Variants in SMCO4 observed in about 807,000 individuals in gnomAD.
SMCO4 encodes single-pass membrane protein with coiled-coil domains 4, also known as single-pass membrane and coiled-coil domain-containing protein 4.
Under a neutral mutation model 3.6 loss-of-function variants are expected in SMCO4, and 4 were observed. The ratio of observed to expected loss-of-function variants is 1.11; its 90% confidence interval spans 0.54 to 2.53. SMCO4 has a LOEUF of 2.53. SMCO4 is among the 30% of genes most tolerant of loss of function. SMCO4 has a pLI of 0.02. For missense variants in SMCO4, 70 were observed against 80.8 expected, an observed-to-expected ratio of 0.87 and a Z score of 0.51; for synonymous variants, 36 against 35.3, an observed-to-expected ratio of 1.02 and a Z score of -0.07.
chr11:93,553,827 T>C, the SMCO4 span, among the ~76,000 whole-genome samples: 2 of 152,234 alleles, frequency 1.3e-5, no homozygotes, highest in Non-Finnish European at 1.5e-5. Flanking sequence ...CTAGCCCTCT[T>C]AGGAAAATCT....
chr11:93,486,923 G>A (rs1948657029), intron 2 of SMCO4, among the ~76,000 whole-genome samples: 1 of 152,206 alleles, frequency 6.6e-6, no homozygotes, highest in South Asian at 2.1e-4. Context: ...AGAAGTGGCT[G>A]CATGTTTCTC....
rs200575983 is a variant in SMCO4 at position 93,505,950 on chromosome 11, TC to T, written c.-153-6603del. On this transcript the variant is annotated intron_variant, in intron 1 of 2. Coordinates refer to ENST00000298966, the MANE Select transcript of SMCO4 (RefSeq NM_020179.3). ...CTGTGCCAGACATGGTACTTGGTGCTCCTGCCCACCAAGATAAATATGAAAC... is the reference window on the plus strand; with the variant it reads ...CTGTGCCAGACATGGTACTTGGTGCTCTGCCCACCAAGATAAATATGAAAC... Among the ~76,000 whole-genome samples, 331 of 152,186 alleles carry T rather than the reference TC, an allele frequency of 2.2e-3. 2 individuals carry two copies. The highest frequency in any genetic ancestry group is 0.01 in the Admixed American group (155 of 15,290).
intron 1 of SMCO4, among the ~76,000 whole-genome samples, chr11:93,526,459 A>G (rs12795164): frequency 0.12 from 18,279 of 152,164 alleles, 1,422 homozygotes; most frequent in Non-Finnish European, 0.17. Context: ...GCAGGGACAA[A>G]TTCCAGTGAA....
intron 1 of SMCO4, among the ~76,000 whole-genome samples, chr11:93,532,568 C>A (rs1949173575): frequency 6.6e-6 from 1 of 152,214 alleles, no homozygotes; most frequent in Non-Finnish European, 1.5e-5. Context: ...TGAGCCAATT[C>A]CCCTAATAAA....
At chr11:93,481,880 A>C (rs1463186385) in intron 2 of SMCO4, among the ~76,000 whole-genome samples, 1 of 152,190 alleles carries the variant, frequency 6.6e-6, no homozygotes, top group Non-Finnish European at 1.5e-5. Context: ...GCCTGGGGCT[A>C]GCCATGCCCT....
chr11:93,506,790 A>G (rs1298106228), intron 1 of SMCO4, among the ~76,000 whole-genome samples: 2 of 152,176 alleles, frequency 1.3e-5, no homozygotes, highest in African/African-American at 4.8e-5. Context: ...ATTTCATTAA[A>G]TATTGATTCT....
chr11:93,528,777 G>C (rs1338874127), intron 1 of SMCO4, among the ~76,000 whole-genome samples: 1 of 152,158 alleles, frequency 6.6e-6, no homozygotes, highest in African/African-American at 2.4e-5. Flanking sequence ...AGGCAGCAGT[G>C]ATGAAATCAG....
At chr11:93,483,874 C>T (rs994848586) in intron 2 of SMCO4, among the ~76,000 whole-genome samples, 31 of 152,178 alleles carry the variant, frequency 2.0e-4, no homozygotes, top group African/African-American at 7.2e-4. Context: ...CTTATCTTCC[C>T]GCCCTTCGCC....
intron 1 of SMCO4, among the ~76,000 whole-genome samples, chr11:93,514,277 T>C (rs1948984400): frequency 6.6e-6 from 1 of 151,082 alleles, no homozygotes; most frequent in African/African-American, 2.4e-5. Flanking sequence ...AACTCTGGAA[T>C]GGGCAATTGG....
intron 1 of SMCO4, among the ~76,000 whole-genome samples, chr11:93,524,594 T>C (rs1037295027): frequency 2.0e-5 from 3 of 152,094 alleles, no homozygotes; most frequent in Non-Finnish European, 2.9e-5. Flanking sequence ...ACAAATGACC[T>C]GGAGCAGCAG....
intron 2 of SMCO4, among the ~76,000 whole-genome samples, chr11:93,480,400 A>G (rs1023236967): frequency 6.6e-6 from 1 of 152,114 alleles, no homozygotes; most frequent in Non-Finnish European, 1.5e-5. Flanking sequence ...TCTCCAGATG[A>G]ACTCGCCACC....
upstream of SMCO4, among the ~76,000 whole-genome samples, chr11:93,545,913 C>G (rs1949312724): frequency 1.3e-5 from 2 of 152,188 alleles, no homozygotes; most frequent in African/African-American, 4.8e-5. Flanking sequence ...GAAACCTGGT[C>G]CAACTCCTTG....
chr11:93,551,231 G>A, the SMCO4 span, among the ~76,000 whole-genome samples: 2 of 152,194 alleles, frequency 1.3e-5, no homozygotes, highest in East Asian at 3.8e-4. Context: ...AAGGTTCTAT[G>A]AGAAAGTTTT....
At chr11:93,539,753 G>T (rs1175541165) in intron 1 of SMCO4, among the ~76,000 whole-genome samples, 1 of 151,980 alleles carries the variant, frequency 6.6e-6, no homozygotes, top group Non-Finnish European at 1.5e-5. Flanking sequence ...TCCCAAAAGA[G>T]GGCCTTAAAG....
At chr11:93,495,280 T>A (rs1948761028) in intron 2 of SMCO4, among the ~76,000 whole-genome samples, 1 of 152,030 alleles carries the variant, frequency 6.6e-6, no homozygotes, top group African/African-American at 2.4e-5. Flanking sequence ...GGTATTCCCA[T>A]TACAAACTTT....
chr11:93,511,472 G>C (rs1381794134), intron 1 of SMCO4, among the ~76,000 whole-genome samples: 2 of 152,134 alleles, frequency 1.3e-5, no homozygotes, highest in Non-Finnish European at 2.9e-5. Flanking sequence ...TCTGTGTGGA[G>C]TTTGCACATT....
chr11:93,492,038 C>A (rs1160390080), intron 2 of SMCO4, among the ~76,000 whole-genome samples: 1 of 152,164 alleles, frequency 6.6e-6, no homozygotes, highest in East Asian at 1.9e-4. Context: ...GGCAGACAAA[C>A]GGAAAGAATG....
chr11:93,553,202 G>A, the SMCO4 span, among the ~76,000 whole-genome samples: 1 of 152,200 alleles, frequency 6.6e-6, no homozygotes, highest in South Asian at 2.1e-4. Flanking sequence ...CTTAATCTGA[G>A]GTCCAGAGAC....
intron 2 of SMCO4, among the ~76,000 whole-genome samples, chr11:93,492,214 A>T (rs2658804): frequency 1.3e-5 from 2 of 152,004 alleles, no homozygotes; most frequent in Non-Finnish European, 2.9e-5. Flanking sequence ...CAGTGTTGGC[A>T]ACTAACCATG....
Sources: allele counts gnomAD v4.1 joint callset (sites outside exome capture counted in the v4.1 genomes callset), GRCh38; gene constraint gnomAD v4.1.1; transcripts MANE v1.5; gene names NCBI Gene and HGNC (gene_info 2026-07-23, HGNC 2026-07-21).